The following PRIMA1 variants were observed in gnomAD, a reference collection of about 807,000 sequenced individuals.
PRIMA1 encodes proline-rich membrane anchor 1.
In PRIMA1, 7 loss-of-function variants were observed where a neutral mutation model predicts 17.5. That is an observed-to-expected ratio of 0.40 (90% CI 0.23 to 0.75). The LOEUF (loss-of-function observed/expected upper bound fraction) is 0.75. Among genes scored for constraint, PRIMA1 ranks in the 30% least tolerant of loss-of-function variants. PRIMA1 has a pLI of 0.37. For missense variants in PRIMA1, 200 were observed against 201.8 expected, an observed-to-expected ratio of 0.99 and a Z score of 0.05; for synonymous variants, 97 against 77.9, an observed-to-expected ratio of 1.25 and a Z score of -1.29.
intron 3 of PRIMA1, among the ~76,000 whole-genome samples, chr14:93,767,759 C>T (rs138535816): frequency 6.6e-6 from 1 of 152,290 alleles, no homozygotes; most frequent in East Asian, 1.9e-4. Context: ...CTACACACCC[C>T]CCCTCTCCAT....
At chr14:93,773,488 A>G (rs2141189224) in intron 3 of PRIMA1, among the ~76,000 whole-genome samples, 1 of 152,356 alleles carries the variant, frequency 6.6e-6, no homozygotes, top group South Asian at 2.1e-4. Context: ...GATGAGCTCC[A>G]GTGATCTGTG....
chr14:93,770,129 C>T (rs1885014008), intron 3 of PRIMA1, among the ~76,000 whole-genome samples: 1 of 152,170 alleles, frequency 6.6e-6, no homozygotes, highest in African/African-American at 2.4e-5. Flanking sequence ...GTGACACCTC[C>T]TCTTGCCTCC....
chr14:93,762,962 C>T (rs1884776562), intron 3 of PRIMA1, among the ~76,000 whole-genome samples: 1 of 152,190 alleles, frequency 6.6e-6, no homozygotes, highest in Non-Finnish European at 1.5e-5. Context: ...CTCTGCCAGC[C>T]TCCACTCAAA....
At chr14:93,747,833 G>C (rs1372120778) in intron 3 of PRIMA1, among the ~76,000 whole-genome samples, 2 of 146,620 alleles carry the variant, frequency 1.4e-5, no homozygotes, top group Non-Finnish European at 3.0e-5. Flanking sequence ...GATTGTGTGT[G>C]AGAGTGTATG....
At chr14:93,729,141 GTCTTGAT>G (rs2076098185) in intron 4 of PRIMA1, among the ~76,000 whole-genome samples, 1 of 152,222 alleles carries the variant, frequency 6.6e-6, no homozygotes, top group Non-Finnish European at 1.5e-5. Context: ...AGAAGATCGA[GTCTTGAT>G]TCTGGACTAA....
At chr14:93,745,317 C>T (rs892544292) in intron 3 of PRIMA1, among the ~76,000 whole-genome samples, 3 of 152,332 alleles carry the variant, frequency 2.0e-5, no homozygotes, top group African/African-American at 7.2e-5. Flanking sequence ...TCCAGAGCAG[C>T]CCAAGCCACA....
rs73349128 is a variant in PRIMA1, at chr14:93,771,860, G to T, written c.229+7316C>A. Among the ~76,000 whole-genome samples the T allele has an allele frequency of 6.3e-3, 954 of 152,264 alleles. 15 individuals carry two copies. The highest frequency in any genetic ancestry group is 0.022 in the African/African-American group (920 of 41,562). On this transcript the variant is annotated intron_variant, in intron 3 of 4. Transcript: ENST00000393140. ...GCCCAGGGAAGGAAAGGAAAGGGGG[G>T]TCCCTGAAGCTGCCTCTCAGCACTG...
chr14:93,734,884 AG>A (rs1303835879), intron 4 of PRIMA1, among the ~76,000 whole-genome samples: 14 of 152,276 alleles, frequency 9.2e-5, no homozygotes, highest in Non-Finnish European at 5.9e-5. Context: ...GACAGACAGG[AG>A]GCCCCTCTAT....
intron 2 of PRIMA1, among the ~76,000 whole-genome samples, chr14:93,779,712 A>G (rs1387064752): frequency 6.6e-6 from 1 of 152,124 alleles, no homozygotes; most frequent in Non-Finnish European, 1.5e-5. Context: ...TCTAAGCCCA[A>G]CCGCTTCTCC....
In PRIMA1 at chr14:93,718,668, T is replaced by A. The variant is rs934583869; in HGVS notation, c.*2776A>T. The A allele has an allele frequency of 2.6e-5, 4 of 151,400 alleles. No individual in the cohort carries two copies. Among genetic ancestry groups the A allele is most frequent in the Non-Finnish European group, 4.4e-5 (3 of 67,936 alleles). 9.4% of individuals were successfully genotyped at this position (151,400 alleles called of 1,614,324 possible). A position where few individuals can be genotyped will look rare whatever the true frequency, so the allele number is the denominator to read the frequency against. ...ATATATATGTAGAGATCTCTTTAAA[T>A]ATATATAGCTATATATAATATATAT... is the stretch of plus-strand genomic sequence containing the variant. On this transcript the variant is annotated 3_prime_UTR_variant, in exon 5 of 5. Transcript: ENST00000393140.
chr14:93,756,278 C>A (rs891567755), intron 3 of PRIMA1, among the ~76,000 whole-genome samples: 1 of 152,084 alleles, frequency 6.6e-6, no homozygotes, highest in Non-Finnish European at 1.5e-5. Flanking sequence ...CTCATTAGTG[C>A]AGTATCTAAT....
Position 93,721,176 on chromosome 14 carries a change from C to T in PRIMA1, c.*268G>A. 2 of 455,694 alleles carry T rather than the reference C, an allele frequency of 4.4e-6. No homozygotes were observed. Among genetic ancestry groups the T allele is most frequent in the Non-Finnish European group, 7.8e-6 (2 of 255,272 alleles). 28.2% of individuals were successfully genotyped at this position (455,694 alleles called of 1,614,324 possible). On this transcript the variant is annotated 3_prime_UTR_variant, in exon 5 of 5. Transcript: ENST00000393140. Reference sequence around the variant, plus strand: ...CTGGGGGCAGTCGACAGACCAGACACCAGACAGGGAGGAGGATGTGGAGGG... The same window carrying T: ...CTGGGGGCAGTCGACAGACCAGACATCAGACAGGGAGGAGGATGTGGAGGG...
chr14:93,767,871 A>G (rs928532925), intron 3 of PRIMA1, among the ~76,000 whole-genome samples: 1 of 152,206 alleles, frequency 6.6e-6, no homozygotes, highest in Admixed American at 6.5e-5. Flanking sequence ...ACTCAGGTTC[A>G]TATGAAATGT....
rs565930915 is a variant in PRIMA1 at position 93,774,571 on chromosome 14, C to T, written c.229+4605G>A. On this transcript the variant is annotated intron_variant, in intron 3 of 4. Coordinates refer to ENST00000393140, the MANE Select transcript of PRIMA1 (RefSeq NM_178013.4). Reference sequence around the variant, plus strand: ...CTGCCTGATCCTTGGGCTGCTAATTCTGGCTGTCTGCTTTGGCCACTCCCT... The same window carrying T: ...CTGCCTGATCCTTGGGCTGCTAATTTTGGCTGTCTGCTTTGGCCACTCCCT... Among the ~76,000 whole-genome samples, 87 of 152,364 alleles carry T rather than the reference C, an allele frequency of 5.7e-4. No homozygotes were observed. In the Middle Eastern group the frequency reaches 0.024, roughly 42 times the overall value.
intron 3 of PRIMA1, among the ~76,000 whole-genome samples, chr14:93,750,229 G>A (rs1055495220): frequency 2.0e-5 from 3 of 151,888 alleles, no homozygotes; most frequent in East Asian, 3.9e-4. Flanking sequence ...AAAATAGTGC[G>A]ACAAAAAATT....
At chr14:93,771,385 T>C (rs1246652750) in intron 3 of PRIMA1, among the ~76,000 whole-genome samples, 2 of 152,138 alleles carry the variant, frequency 1.3e-5, no homozygotes, top group Non-Finnish European at 2.9e-5. Context: ...AACCTTCAAA[T>C]TCAGCCACCA....
At chr14:93,749,979 G>A (rs528238316) in intron 3 of PRIMA1, among the ~76,000 whole-genome samples, 2 of 152,354 alleles carry the variant, frequency 1.3e-5, no homozygotes, top group South Asian at 4.1e-4. Context: ...TCAGGAGTTC[G>A]AGACCAGCCT....
intron 3 of PRIMA1, among the ~76,000 whole-genome samples, chr14:93,758,640 G>A (rs2076307668): frequency 1.4e-5 from 2 of 147,566 alleles, no homozygotes; most frequent in East Asian, 1.9e-4. Context: ...AGAAATAATC[G>A]ACATTCAAAA....
intron 3 of PRIMA1, among the ~76,000 whole-genome samples, chr14:93,774,227 G>C (rs959666184): frequency 2.0e-5 from 3 of 152,244 alleles, no homozygotes; most frequent in African/African-American, 7.2e-5. Flanking sequence ...GTGACCCGCT[G>C]TTCCAGTTTG....
Sources: gnomAD v4.1 joint callset for allele counts (sites outside exome capture counted in the v4.1 genomes callset) on GRCh38, gnomAD v4.1.1 for gene constraint, MANE v1.5 for transcripts, NCBI Gene and HGNC (gene_info 2026-07-23, HGNC 2026-07-21) for gene names.